SPRTN: variants seen among roughly 807,000 people sequenced by gnomAD.
SPRTN encodes the protein DNA-dependent metalloprotease SPRTN.
A neutral mutation model predicts 31.9 loss-of-function variants in SPRTN; 11 were observed. The ratio of observed to expected loss-of-function variants is 0.34; its 90% CI spans 0.22 to 0.57. The LOEUF is 0.57. Ranked by LOEUF, SPRTN falls within the 20% of genes least tolerant of loss-of-function variation. The pLI is 0.86. For missense variants in SPRTN, 482 were observed against 590.1 expected (o/e 0.82, Z 1.90); for synonymous variants, 185 against 212.1 (o/e 0.87, Z 1.11).
intron 2 of SPRTN, among the ~76,000 whole-genome samples, chr1:231,344,987 T>G (rs1687010661): frequency 6.6e-6 from 1 of 152,202 alleles, no homozygotes; most frequent in Non-Finnish European, 1.5e-5. Context: ...GCTGTTAGTT[T>G]CTTTTCATTT....
Position 231,353,388 on chromosome 1 carries a change from CCTGTATTA to C in SPRTN, c.*28_*35del, listed in dbSNP as rs1687301416. The C allele has an allele frequency of 6.5e-7, 1 of 1,539,374 alleles. No homozygotes were observed. Among genetic ancestry groups the C allele is most frequent in the African/African-American group, 1.4e-5 (1 of 72,364 alleles). ...AAAGGTTTCAAAGTCTCAAGTACCA[CCTGTATTA>C]TCTCACTAATGTGCTATGTCAGCCA... On this transcript the variant is annotated 3_prime_UTR_variant, in exon 5 of 5. Coordinates refer to ENST00000295050, the MANE Select transcript of SPRTN (RefSeq NM_032018.7).
chr1:231,341,355 T>C (rs1686885625), intron 2 of SPRTN, among the ~76,000 whole-genome samples: 1 of 151,924 alleles, frequency 6.6e-6, no homozygotes, highest in African/African-American at 2.4e-5. Flanking sequence ...TACTTTGGAA[T>C]ATTTGCATTA....
rs1162258298 is a variant in SPRTN, at chr1:231,339,448, G to T, written c.222-321G>T. On this transcript the variant is annotated intron_variant, in intron 1 of 4. Coordinates refer to ENST00000295050, the MANE Select transcript of SPRTN (RefSeq NM_032018.7). ...GCAGTTGGGCCATGTGGTCCGCATC[G>T]TATTCCACTAGGTCCCCGTTGTACA... 5.4e-6 allele frequency: 3 copies of T among 558,556 alleles called. No individual in the cohort carries two copies. The African/African-American group carries it at 5.7e-5, about 11-fold the overall frequency. 34.6% of individuals were successfully genotyped at this position (558,556 alleles called of 1,614,324 possible).
intron 2 of SPRTN, 109 bp downstream of exon 2, chr1:231,339,977 C>A: frequency 3.1e-6 from 3 of 972,632 alleles, no homozygotes; most frequent in Non-Finnish European, 1.6e-6. Flanking sequence ...AGTCACTTTG[C>A]CCTCAGTGAA....
At chr1:231,346,291 C>T (rs931547176) in intron 2 of SPRTN, among the ~76,000 whole-genome samples, 1 of 147,742 alleles carries the variant, frequency 6.8e-6, no homozygotes, top group Non-Finnish European at 1.5e-5. Context: ...CAGGTTCAAG[C>T]AATTCCCCTG....
chr1:231,346,497 G>A (rs1485015911), intron 2 of SPRTN, among the ~76,000 whole-genome samples: 2 of 151,210 alleles, frequency 1.3e-5, no homozygotes, highest in African/African-American at 4.9e-5. Flanking sequence ...TACTTCTTCT[G>A]TGAACTCCAT....
chr1:231,348,594 A>G (rs766079455), intron 3 of SPRTN, among the ~76,000 whole-genome samples: 1 of 151,914 alleles, frequency 6.6e-6, no homozygotes, highest in Non-Finnish European at 1.5e-5. Context: ...ACTGCCTCCA[A>G]CTCTGCTGCC....
At chr1:231,339,975 T>C (rs1686820308) in intron 2 of SPRTN, 107 bp downstream of exon 2, 1 of 974,524 alleles carries the variant, frequency 1.0e-6, no homozygotes, top group Non-Finnish European at 1.6e-6. Flanking sequence ...AAAGTCACTT[T>C]GCCCTCAGTG....
At chr1:231,348,930 A>G (rs1201059152) in intron 3 of SPRTN, among the ~76,000 whole-genome samples, 1 of 152,112 alleles carries the variant, frequency 6.6e-6, no homozygotes, top group Non-Finnish European at 1.5e-5. Context: ...AGGCAACAAA[A>G]TCCACTGTGA....
chr1:231,341,275 A>G (rs1397185725), intron 2 of SPRTN, among the ~76,000 whole-genome samples: 7 of 151,894 alleles, frequency 4.6e-5, no homozygotes, highest in African/African-American at 7.3e-5. Flanking sequence ...GCAGAAAACT[A>G]TTGTGGCTAT....
At chr1:231,352,476 G>C in intron 4 of SPRTN, 134 bp from the exon 5 acceptor site, 2 of 1,412,934 alleles carry the variant, frequency 1.4e-6, no homozygotes, top group Non-Finnish European at 1.8e-6. Flanking sequence ...CCATTAATAG[G>C]ATTGTATGGA....
rs538265975 is a variant in SPRTN at position 231,353,105 on chromosome 1, C to T, written c.1214C>T (p.Pro405Leu). Residue 405 changes from proline to leucine, a missense_variant, in exon 5 of 5, where the codon CCA (proline) becomes CTA (leucine). By Grantham distance (98) the Pro-to-Leu change is moderately conservative. Transcript: ENST00000295050. ...QDVSGSEDTF[P>L]NKRPRLEDKT... The stretch of plus-strand genomic sequence containing the variant: ...GTGAGTGGGTCTGAAGATACATTCC[C>T]AAATAAACGACCTAGGCTAGAAGAT... The T allele has an allele frequency of 2.5e-6, 4 of 1,613,598 alleles. No individual in the cohort carries two copies. In the South Asian group the frequency reaches 4.4e-5, roughly 18 times the overall value.
chr1:231,341,753 G>C (rs907493587), intron 2 of SPRTN, among the ~76,000 whole-genome samples: 5 of 152,194 alleles, frequency 3.3e-5, no homozygotes, highest in African/African-American at 1.2e-4. Context: ...TTGGGAAGCT[G>C]AGACAGGCGG....
chr1:231,349,948 G>C (rs1687174666), intron 3 of SPRTN, among the ~76,000 whole-genome samples: 1 of 152,160 alleles, frequency 6.6e-6, no homozygotes, highest in African/African-American at 2.4e-5. Context: ...GGAGGCGGAG[G>C]TTGCAGTGAG....
chr1:231,351,994 C>T, intron 4 of SPRTN: 1 of 997,882 alleles, frequency 1.0e-6, no homozygotes, highest in Non-Finnish European at 1.2e-6. Context: ...TAACTACACC[C>T]CTTCCTATCA....
Position 231,338,411 on chromosome 1 carries a change from C to T in SPRTN, c.28C>T (p.Arg10Trp). ...GGATGATGACTTGATGTTGGCACTGCGGCTTCAGGAGGAGTGGAACTTGCA... is the reference window on the plus strand; with the variant it reads ...GGATGATGACTTGATGTTGGCACTGTGGCTTCAGGAGGAGTGGAACTTGCA... The part of the protein sequence containing the change: MDDDLMLAL[R>W]LQEEWNLQEA... The change falls in exon 1 of 5, where the codon CGG becomes TGG. Residue 10 changes from arginine (R) to tryptophan (W), a missense_variant. By Grantham distance (101) the Arg-to-Trp change is moderately radical. Transcript: ENST00000295050. The T allele has an allele frequency of 1.2e-6, 2 of 1,614,254 alleles. No homozygotes were observed. The highest frequency in any genetic ancestry group is 1.1e-5 in the South Asian group (1 of 91,090).
At chr1:231,351,166 A>G in intron 3 of SPRTN, 138 bp from the exon 4 acceptor site, 1 of 1,157,546 alleles carries the variant, frequency 8.6e-7, no homozygotes, top group South Asian at 3.1e-5. Flanking sequence ...CTCTCCTAAA[A>G]TAGAACTTTT....
At chr1:231,339,482 G>A (rs1326162205) in intron 1 of SPRTN, 3 of 633,036 alleles carry the variant, frequency 4.7e-6, no homozygotes, top group African/African-American at 1.8e-5. Context: ...CACCAGGTAC[G>A]GTCCTGGCGT....
intron 1 of SPRTN, 165 bp from the exon 2 acceptor site, chr1:231,339,604 G>A (rs997310322): frequency 2.4e-6 from 2 of 818,216 alleles, no homozygotes; most frequent in African/African-American, 3.4e-5. Flanking sequence ...GCCCGCGGGG[G>A]TTGTAACTAA....
Sources: gnomAD v4.1 joint callset for allele counts (sites outside exome capture counted in the v4.1 genomes callset) on GRCh38, gnomAD v4.1.1 for gene constraint, MANE v1.5 for transcripts, NCBI Gene and HGNC (gene_info 2026-07-23, HGNC 2026-07-21) for gene names.